MBNL2: variants seen among roughly 807,000 people sequenced by gnomAD.
The protein encoded by MBNL2 is muscleblind like splicing regulator 2, also known as muscleblind-like protein 2.
In MBNL2, 17 loss-of-function variants were observed where a neutral mutation model predicts 41.9. The ratio of observed to expected loss-of-function variants is 0.41; its 90% CI spans 0.28 to 0.61. The LOEUF is 0.61. Among genes scored for constraint, MBNL2 ranks in the 20% least tolerant of loss-of-function variants. The pLI, the probability that MBNL2 is intolerant of heterozygous loss-of-function variation, is 0.35. For missense variants in MBNL2, 336 were observed against 505.6 expected, an observed-to-expected ratio of 0.66 and a Z score of 3.22; for synonymous variants, 195 against 182.9, an observed-to-expected ratio of 1.07 and a Z score of -0.53.
At chr13:97,218,365 G>C (rs1048688891), upstream of MBNL2, among the ~76,000 whole-genome samples, 2 of 146,752 alleles carry the variant, frequency 1.4e-5, no homozygotes, top group African/African-American at 2.5e-5. Context: ...AGCCAAGATC[G>C]CGCCACTACA....
intron 1 of MBNL2, among the ~76,000 whole-genome samples, chr13:97,255,755 T>C (rs1415763645): frequency 6.6e-6 from 1 of 152,206 alleles, no homozygotes; most frequent in Non-Finnish European, 1.5e-5. Flanking sequence ...TGTTTAGATA[T>C]AACACAGGAA....
At position 97,232,888 on chromosome 13, in the gene MBNL2, T is replaced by C. The variant is rs530701713; in HGVS notation, c.-605+10357T>C. Among the ~76,000 whole-genome samples the C allele has an allele frequency of 1.6e-3, 233 of 146,380 alleles. 2 individuals are homozygous for C. Among genetic ancestry groups the C allele is most frequent in the African/African-American group, 5.4e-3 (211 of 39,020 alleles). The stretch of plus-strand genomic sequence containing the variant: ...GTGTGTGTGTGTGTGTGTGTGTGTG[T>C]GTGCGCACGTACACTGAATGAACTT... On this transcript the variant is annotated intron_variant, in intron 1 of 8. Coordinates refer to ENST00000679496, the MANE Select transcript of MBNL2 (RefSeq NM_001382683.1).
intron 1 of MBNL2, among the ~76,000 whole-genome samples, chr13:97,270,717 G>A (rs1292121243): frequency 6.6e-6 from 1 of 152,156 alleles, no homozygotes; most frequent in African/African-American, 2.4e-5. Context: ...CAACTGGCAG[G>A]CTAGTAAGTC....
At chr13:97,345,216 T>A (rs992059651) in intron 4 of MBNL2, among the ~76,000 whole-genome samples, 19 of 152,196 alleles carry the variant, frequency 1.2e-4, no homozygotes, top group African/African-American at 4.3e-4. Flanking sequence ...CAGGGGCCCT[T>A]CATATAACAT....
At chr13:97,378,975 A>G (rs2065194760) in intron 8 of MBNL2, among the ~76,000 whole-genome samples, 1 of 152,222 alleles carries the variant, frequency 6.6e-6, no homozygotes, top group Non-Finnish European at 1.5e-5. Flanking sequence ...AAGCAACTGG[A>G]TCTGTGTAGA....
chr13:97,149,197 A>G, the MBNL2 span, among the ~76,000 whole-genome samples: 1 of 152,186 alleles, frequency 6.6e-6, no homozygotes, highest in Admixed American at 6.5e-5. Context: ...GAAGCGTAAC[A>G]TTATGCTTCC....
intron 2 of MBNL2, among the ~76,000 whole-genome samples, chr13:97,329,653 C>CAT (rs377050372): frequency 2.7e-4 from 36 of 131,282 alleles, no homozygotes; most frequent in Non-Finnish European, 4.2e-4. Flanking sequence ...ACACAATACA[C>CAT]ACACATGCAG....
At chr13:97,165,773 T>A in the MBNL2 span, among the ~76,000 whole-genome samples, 1 of 152,264 alleles carries the variant, frequency 6.6e-6, no homozygotes, top group African/African-American at 2.4e-5. Flanking sequence ...GATATAGTTA[T>A]GCTTATTGAA....
chr13:97,251,936 C>T lies in MBNL2; in HGVS notation c.-604-23696C>T, dbSNP rs189869302. ...CGCAATCTCGGCTCACTGCAAGCTC[C>T]GCTTCCCGGGTTCACGCCATTCTCC... On this transcript the variant is annotated intron_variant, in intron 1 of 8. Transcript: ENST00000679496. Among the ~76,000 whole-genome samples the T allele has an allele frequency of 2.4e-3, 355 of 148,782 alleles. 2 individuals carry two copies. The highest frequency in any genetic ancestry group is 8.4e-3 in the African/African-American group (339 of 40,472).
chr13:97,260,739 A>G (rs1387075142), intron 1 of MBNL2, among the ~76,000 whole-genome samples: 1 of 152,058 alleles, frequency 6.6e-6, no homozygotes, highest in East Asian at 1.9e-4. Context: ...AAGCCATAAA[A>G]CCACACAAGA....
At chr13:97,184,474 C>T in the MBNL2 span, among the ~76,000 whole-genome samples, 2 of 152,106 alleles carry the variant, frequency 1.3e-5, no homozygotes, top group East Asian at 1.9e-4. Context: ...CCCATCCTTC[C>T]GTGTTCCCCC....
chr13:97,264,529 A>G (rs907275354), intron 1 of MBNL2, among the ~76,000 whole-genome samples: 1 of 152,218 alleles, frequency 6.6e-6, no homozygotes, highest in African/African-American at 2.4e-5. Context: ...ATTTTAAAAT[A>G]CATATTATTT....
At position 97,290,447 on chromosome 13, in the gene MBNL2, C is replaced by T. The variant is rs186427789; in HGVS notation, c.174+14038C>T. ...ATCCCAGCACTTTGGGAGGTCGAGGCGGGTGGATCATGAGGTCAGGAGATC... is the reference window on the plus strand; with the variant it reads ...ATCCCAGCACTTTGGGAGGTCGAGGTGGGTGGATCATGAGGTCAGGAGATC... On this transcript the variant is annotated intron_variant, in intron 2 of 8. Transcript: ENST00000679496. Among the ~76,000 whole-genome samples the T allele has an allele frequency of 2.2e-3, 331 of 151,738 alleles. 1 individual carries two copies. The highest frequency in any genetic ancestry group is 7.2e-3 in the African/African-American group (300 of 41,400).
chr13:97,389,695 G>A (rs1220630731), intron 8 of MBNL2, among the ~76,000 whole-genome samples: 1 of 150,986 alleles, frequency 6.6e-6, no homozygotes, highest in South Asian at 2.1e-4. Context: ...AACAGAGGGA[G>A]ACCCTGTCTC....
chr13:97,366,748 A>AT lies in MBNL2; in HGVS notation c.1048+1577_1048+1578insT. 1 of 654,466 alleles carries AT rather than the reference A, an allele frequency of 1.5e-6. No individual in the cohort carries two copies. The highest frequency in any genetic ancestry group is 1.7e-5 in the South Asian group (1 of 60,122). The allele number at this position is 654,466 out of a possible 1,614,324, so 40.5% of individuals were successfully genotyped here. A position where few individuals can be genotyped will look rare whatever the true frequency, so the allele number is the denominator to read the frequency against. The stretch of plus-strand genomic sequence containing the variant: ...TAACATTTACTGCAAATAATGATGT[A>AT]GCTATGTTTTGTGTTGCACTGTTTG... On this transcript the variant is annotated intron_variant, in intron 8 of 8. Coordinates refer to ENST00000679496, the MANE Select transcript of MBNL2 (RefSeq NM_001382683.1). This position sits in a 1 kb window ranked among gnomAD's most constrained non-coding sequence, Gnocchi z 4.7.
At chr13:97,248,681 A>G (rs1158457620) in intron 1 of MBNL2, among the ~76,000 whole-genome samples, 1 of 152,260 alleles carries the variant, frequency 6.6e-6, no homozygotes, top group Admixed American at 6.5e-5. Flanking sequence ...TGTAAAGAAT[A>G]ATAAAATCAA....
At chr13:97,157,672 G>A in the MBNL2 span, among the ~76,000 whole-genome samples, 5 of 149,954 alleles carry the variant, frequency 3.3e-5, no homozygotes, top group Admixed American at 1.3e-4. Context: ...TTTGTCTTTG[G>A]CTCTGTTTAT....
the MBNL2 span, among the ~76,000 whole-genome samples, chr13:97,208,720 C>T: frequency 6.6e-6 from 1 of 152,168 alleles, no homozygotes; most frequent in Non-Finnish European, 1.5e-5. Flanking sequence ...ATGAGATCAA[C>T]CTCTAATAAC....
the MBNL2 span, among the ~76,000 whole-genome samples, chr13:97,169,188 T>G: frequency 1.3e-5 from 2 of 152,246 alleles, no homozygotes; most frequent in African/African-American, 4.8e-5. Flanking sequence ...GTCAGATTGC[T>G]GAATACTCCA....
Sources: allele counts gnomAD v4.1 joint callset (sites outside exome capture counted in the v4.1 genomes callset), GRCh38; gene constraint gnomAD v4.1.1; non-coding constraint Gnocchi (gnomAD v3.1); transcripts MANE v1.5; gene names NCBI Gene and HGNC (gene_info 2026-07-23, HGNC 2026-07-21).